Variants in STX7 observed in about 807,000 individuals in gnomAD.
The protein encoded by STX7 is syntaxin 7, also known as syntaxin-7.
Under a neutral mutation model 39.6 loss-of-function variants are expected in STX7, and 34 were observed. That is an observed-to-expected ratio of 0.86 (90% CI 0.65 to 1.14). The LOEUF (loss-of-function observed/expected upper bound fraction) is 1.14. Among genes scored for constraint, STX7 ranks in the 50% most tolerant of loss-of-function variants. The pLI, the probability that STX7 is intolerant of heterozygous loss-of-function variation, is 0.00. For missense variants in STX7, 284 were observed against 310.4 expected (o/e 0.92, Z 0.64); for synonymous variants, 119 against 99.1 (o/e 1.20, Z -1.19).
chr6:132,477,440 T>C (rs1252906005), intron 2 of STX7, among the ~76,000 whole-genome samples: 1 of 152,090 alleles, frequency 6.6e-6, no homozygotes, highest in Non-Finnish European at 1.5e-5. Context: ...AAATAAATTA[T>C]TTAATAAATG....
intron 2 of STX7, among the ~76,000 whole-genome samples, chr6:132,491,403 T>C (rs1021333795): frequency 6.6e-6 from 1 of 151,942 alleles, no homozygotes; most frequent in African/African-American, 2.4e-5. Flanking sequence ...GAAGGACAAA[T>C]TCAAAAATAA....
At chr6:132,495,345 G>A (rs2114452839) in intron 2 of STX7, among the ~76,000 whole-genome samples, 1 of 152,234 alleles carries the variant, frequency 6.6e-6, no homozygotes, top group East Asian at 1.9e-4. Context: ...TAGGCATGAA[G>A]AAAATCACAA....
At chr6:132,510,752 C>G (rs1775826151) in intron 1 of STX7, among the ~76,000 whole-genome samples, 1 of 152,110 alleles carries the variant, frequency 6.6e-6, no homozygotes, top group South Asian at 2.1e-4. Context: ...TGAAGATATA[C>G]AAACACTATA....
chr6:132,475,783 A>AC, intron 2 of STX7, 121 bp from the exon 3 acceptor site: 100 of 526,658 alleles, frequency 1.9e-4, no homozygotes, highest in South Asian at 3.1e-4. Context: ...AAAGATGAAA[A>AC]TAGAAAATAT....
At chr6:132,473,498 T>G (rs963741611) in intron 3 of STX7, among the ~76,000 whole-genome samples, 7 of 139,880 alleles carry the variant, frequency 5.0e-5, no homozygotes, top group Middle Eastern at 3.7e-3. Context: ...TATAGTTCAG[T>G]TTTTTTTTTT....
chr6:132,492,041 C>T (rs78246534), intron 2 of STX7, among the ~76,000 whole-genome samples: 5,155 of 152,248 alleles, frequency 0.034, 282 homozygotes, highest in African/African-American at 0.12. Flanking sequence ...CACTCCTCTC[C>T]TCATAACCCT....
intron 2 of STX7, among the ~76,000 whole-genome samples, chr6:132,498,996 C>T (rs972274382): frequency 2.0e-5 from 3 of 152,136 alleles, no homozygotes; most frequent in African/African-American, 7.2e-5. Flanking sequence ...ATCTGATGAC[C>T]TTGCTTCCCA....
At chr6:132,506,499 T>G (rs77598667) in intron 1 of STX7, among the ~76,000 whole-genome samples, 1 of 152,176 alleles carries the variant, frequency 6.6e-6, no homozygotes, top group East Asian at 1.9e-4. Flanking sequence ...ACATGAAAAA[T>G]GTTTAACATC....
At chr6:132,501,577 T>C (rs1357220974) in intron 2 of STX7, among the ~76,000 whole-genome samples, 1 of 152,154 alleles carries the variant, frequency 6.6e-6, no homozygotes, top group African/African-American at 2.4e-5. Context: ...TCCTTCCAGT[T>C]CATGTTCACA....
chr6:132,491,252 A>C (rs559332655), intron 2 of STX7, among the ~76,000 whole-genome samples: 3 of 152,074 alleles, frequency 2.0e-5, no homozygotes, highest in South Asian at 2.1e-4. Flanking sequence ...ATTATACCCC[A>C]AAATACCCAC....
chr6:132,501,159 T>G (rs1025659213), intron 2 of STX7, among the ~76,000 whole-genome samples: 1 of 152,026 alleles, frequency 6.6e-6, no homozygotes, highest in African/African-American at 2.4e-5. Flanking sequence ...TTCAAGCGAT[T>G]CCCCTGCCTC....
intron 2 of STX7, among the ~76,000 whole-genome samples, chr6:132,489,200 TA>T (rs745673648): frequency 0.031 from 2,583 of 83,116 alleles, 61 homozygotes; most frequent in African/African-American, 0.11. Context: ...GACTCTGTCT[TA>T]AAAAAAAAAA....
intron 1 of STX7, among the ~76,000 whole-genome samples, chr6:132,505,144 ATG>A (rs1775665682): frequency 6.6e-6 from 1 of 152,214 alleles, no homozygotes; most frequent in Non-Finnish European, 1.5e-5. Flanking sequence ...TGTTTTAATG[ATG>A]AGCAAACAGC....
In STX7 at chr6:132,463,989, T is replaced by C. The variant is rs1437235139; in HGVS notation, c.693+4A>G. The C allele has an allele frequency of 6.2e-7, 1 of 1,613,900 alleles. No individual in the cohort carries two copies. Among genetic ancestry groups the C allele is most frequent in the Non-Finnish European group, 8.5e-7 (1 of 1,179,926 alleles). ...TATAAGAAAATTGATCACAGTTAAATTACCTGATAATCTGCTGCCCTTGAC... is the reference window on the plus strand; with the variant it reads ...TATAAGAAAATTGATCACAGTTAAACTACCTGATAATCTGCTGCCCTTGAC... On this transcript the variant is annotated splice_donor_region_variant and intron_variant, in intron 9 of 9. Transcript: ENST00000367941.
At position 132,459,185 on chromosome 6, in the gene STX7, T is replaced by G. The variant is rs1407117352; in HGVS notation, c.*1573A>C. 7 of 152,220 alleles carry G rather than the reference T, an allele frequency of 4.6e-5. No homozygotes were observed. Among genetic ancestry groups the G allele is most frequent in the Admixed American group, 4.6e-4 (7 of 15,272 alleles). 9.4% of individuals were successfully genotyped at this position (152,220 alleles called of 1,614,324 possible). On this transcript the variant is annotated 3_prime_UTR_variant, in exon 10 of 10. Coordinates refer to ENST00000367941, the MANE Select transcript of STX7 (RefSeq NM_003569.3). ...TGAATTCTCCTCCCTGCATTGTCCA[T>G]TCTGTTCTAGGGCAGTCTGATTCTG... is the stretch of plus-strand genomic sequence containing the variant.
At chr6:132,495,718 C>T (rs72998872) in intron 2 of STX7, among the ~76,000 whole-genome samples, 2,119 of 152,178 alleles carry the variant, frequency 0.014, 18 homozygotes, top group Non-Finnish European at 0.022. Flanking sequence ...CAAGTGTCCC[C>T]TTCACCAGAC....
In STX7 at chr6:132,457,222, T is replaced by C. The variant is rs1774264144; in HGVS notation, c.*3536A>G. ...CTTATAATCCATCAAGTGGTTTCTG[T>C]TTTTCTAACTGAATTGTTAAAATAT... On this transcript the variant is annotated 3_prime_UTR_variant, in exon 10 of 10. Transcript: ENST00000367941. 6.6e-6 allele frequency: 1 copy of C among 152,240 alleles called. No homozygotes were observed. The highest frequency in any genetic ancestry group is 1.5e-5 in the Non-Finnish European group (1 of 68,044). 9.4% of individuals were successfully genotyped at this position (152,240 alleles called of 1,614,324 possible). A position where few individuals can be genotyped will look rare whatever the true frequency, so the allele number is the denominator to read the frequency against.
chr6:132,506,115 T>C (rs1464971800), intron 1 of STX7, among the ~76,000 whole-genome samples: 2 of 151,482 alleles, frequency 1.3e-5, no homozygotes, highest in African/African-American at 4.8e-5. Context: ...GATTAAAGAC[T>C]TAAAAGTAAT....
At chr6:132,471,630 G>A in intron 4 of STX7, 30 bp from the exon 5 acceptor site, 2 of 1,603,166 alleles carry the variant, frequency 1.2e-6, no homozygotes, top group East Asian at 4.5e-5. Flanking sequence ...AAGCCAACTA[G>A]AATCTAGCTG....
Sources: gnomAD v4.1 joint callset for allele counts (sites outside exome capture counted in the v4.1 genomes callset) on GRCh38, gnomAD v4.1.1 for gene constraint, MANE v1.5 for transcripts, NCBI Gene and HGNC (gene_info 2026-07-23, HGNC 2026-07-21) for gene names.